Variants in ESRRG observed in about 807,000 individuals in gnomAD.
ESRRG encodes the protein estrogen-related receptor gamma.
In ESRRG, 13 loss-of-function variants were observed where a neutral mutation model predicts 44.0. That is an observed-to-expected ratio of 0.30 (90% CI 0.19 to 0.47). The LOEUF is 0.47. Among genes scored for constraint, ESRRG ranks in the 20% least tolerant of loss-of-function variants. The pLI is 1.00. For synonymous variants in ESRRG, 215 were observed against 214.6 expected, an observed-to-expected ratio of 1.00 and a Z score of -0.02; for missense variants, 395 against 580.6, an observed-to-expected ratio of 0.68 and a Z score of 3.29.
intron 1 of ESRRG, among the ~76,000 whole-genome samples, chr1:216,957,198 T>C (rs1409990195): frequency 6.6e-6 from 1 of 152,156 alleles, no homozygotes; most frequent in African/African-American, 2.4e-5. Flanking sequence ...CCCAGTCCTC[T>C]AAATGTTAAA....
At chr1:216,783,058 T>C (rs17043792) in intron 2 of ESRRG, among the ~76,000 whole-genome samples, 1,937 of 151,760 alleles carry the variant, frequency 0.013, 41 homozygotes, top group African/African-American at 0.045. Flanking sequence ...CAACCTTACA[T>C]TCCCACTCAG....
intron 1 of ESRRG, among the ~76,000 whole-genome samples, chr1:217,021,582 T>G (rs918254881): frequency 6.6e-6 from 1 of 152,182 alleles, no homozygotes; most frequent in Non-Finnish European, 1.5e-5. Context: ...GCTTAATTTA[T>G]CCCATCCACC....
chr1:216,748,245 C>A (rs2091634872), intron 2 of ESRRG, among the ~76,000 whole-genome samples: 1 of 152,128 alleles, frequency 6.6e-6, no homozygotes, highest in African/African-American at 2.4e-5. Flanking sequence ...ATCCATGCTA[C>A]CCAGACGGAA....
chr1:216,857,690 T>C (rs2095973487), intron 2 of ESRRG, among the ~76,000 whole-genome samples: 1 of 146,576 alleles, frequency 6.8e-6, no homozygotes, highest in South Asian at 2.1e-4. Context: ...CTAAGTCTAG[T>C]CCAGAAGCTA....
chr1:217,100,184 G>A (rs1223466224), intron 1 of ESRRG, among the ~76,000 whole-genome samples: 1 of 152,176 alleles, frequency 6.6e-6, no homozygotes, highest in Non-Finnish European at 1.5e-5. Context: ...CTTCATAGAT[G>A]GTTTAGGACT....
intron 5 of ESRRG, among the ~76,000 whole-genome samples, chr1:216,550,696 A>G (rs1331027154): frequency 6.6e-6 from 1 of 152,136 alleles, no homozygotes; most frequent in Non-Finnish European, 1.5e-5. Context: ...GAGAAAAACA[A>G]TGGTTGTAAT....
intron 2 of ESRRG, among the ~76,000 whole-genome samples, chr1:216,922,367 C>T (rs2061951624): frequency 6.6e-6 from 1 of 152,210 alleles, no homozygotes; most frequent in Non-Finnish European, 1.5e-5. Flanking sequence ...GTTTCAGACA[C>T]AACCTTTTTA....
rs767134030 is a variant in ESRRG, at chr1:216,567,961, G to A, written c.700+27C>T. On this transcript the variant is annotated intron_variant, in intron 4 of 6. Coordinates refer to ENST00000408911, the MANE Select transcript of ESRRG (RefSeq NM_001438.4). ...CAACTGGGAGGATTTCGTGTTCTGG[G>A]AAGCCAGACACATCTGCTGTACTTA... The A allele has an allele frequency of 2.0e-6, 3 of 1,475,472 alleles. No homozygotes were observed. In the Admixed American group the frequency reaches 5.0e-5, roughly 25 times the overall value. The allele number at this position is 1,475,472 out of a possible 1,614,324, so 91.4% of individuals were successfully genotyped here. A position where few individuals can be genotyped will look rare whatever the true frequency, so the allele number is the denominator to read the frequency against.
chr1:217,051,223 G>A (rs963339683), intron 1 of ESRRG, among the ~76,000 whole-genome samples: 4 of 134,614 alleles, frequency 3.0e-5, no homozygotes, highest in Non-Finnish European at 4.8e-5. Context: ...GGGGTGCCAG[G>A]GGAATTGTAA....
At chr1:217,130,953 A>G (rs956682484) in intron 1 of ESRRG, among the ~76,000 whole-genome samples, 3 of 152,220 alleles carry the variant, frequency 2.0e-5, no homozygotes, top group African/African-American at 7.2e-5. Flanking sequence ...GGATCAGTAG[A>G]ATATACTATA....
At chr1:216,673,666 A>G (rs548808346) in intron 2 of ESRRG, among the ~76,000 whole-genome samples, 2 of 152,396 alleles carry the variant, frequency 1.3e-5, no homozygotes, top group South Asian at 4.1e-4. Context: ...ATTATTGCTC[A>G]GTAAATAACT....
At position 216,784,434 on chromosome 1, in the gene ESRRG, A is replaced by C. The variant is rs1447263801; in HGVS notation, c.-13-106943T>G. Among the ~76,000 whole-genome samples the C allele has an allele frequency of 2.0e-5, 3 of 152,174 alleles. No individual in the cohort carries two copies. The South Asian group carries it at 6.2e-4, about 32-fold the overall frequency. On this transcript the variant is annotated intron_variant, in intron 2 of 7. Transcript: ENST00000359162. ...TAGTAAAAGAAAGAAATCCTTATAT[A>C]CTTTATTTCTATCAACACAACATAC...
chr1:216,796,880 AATTTATTT>A (rs1477670046), intron 2 of ESRRG, among the ~76,000 whole-genome samples: 1 of 152,022 alleles, frequency 6.6e-6, no homozygotes, highest in Admixed American at 6.6e-5. Context: ...TCCTTTATTT[AATTTATTT>A]ATTTATTTAT....
intron 2 of ESRRG, among the ~76,000 whole-genome samples, chr1:216,785,348 G>T: frequency 6.6e-6 from 1 of 152,108 alleles, no homozygotes; most frequent in East Asian, 1.9e-4. Context: ...AGGAGGGAAA[G>T]CAGCTGAGCA....
intron 1 of ESRRG, among the ~76,000 whole-genome samples, chr1:217,124,699 A>G (rs767797465): frequency 4.4e-4 from 67 of 152,190 alleles, no homozygotes; most frequent in Non-Finnish European, 1.9e-4. Flanking sequence ...AGAAAAAGAA[A>G]GAAAAAAACC....
intron 1 of ESRRG, among the ~76,000 whole-genome samples, chr1:217,054,299 G>T (rs528929857): frequency 1.3e-5 from 2 of 152,128 alleles, no homozygotes; most frequent in Non-Finnish European, 2.9e-5. Flanking sequence ...TACTGGGGGG[G>T]AGCATAAATG....
At chr1:217,128,677 C>T (rs189945335) in intron 1 of ESRRG, among the ~76,000 whole-genome samples, 2 of 152,274 alleles carry the variant, frequency 1.3e-5, no homozygotes, top group Admixed American at 6.5e-5. Context: ...AGGACTTCTT[C>T]GAAGAAAAAG....
At chr1:216,952,362 C>T (rs1411385684) in intron 1 of ESRRG, among the ~76,000 whole-genome samples, 3 of 152,032 alleles carry the variant, frequency 2.0e-5, no homozygotes, top group Non-Finnish European at 4.4e-5. Flanking sequence ...CAAAGGGCAG[C>T]GTGGAAACGG....
intron 1 of ESRRG, among the ~76,000 whole-genome samples, chr1:216,985,561 A>G (rs2074730076): frequency 6.6e-6 from 1 of 152,162 alleles, no homozygotes; most frequent in Admixed American, 6.5e-5. Context: ...TCAGTTAGGA[A>G]GTTGCTTTCC....
Sources: gnomAD v4.1 joint callset for allele counts (sites outside exome capture counted in the v4.1 genomes callset) on GRCh38, gnomAD v4.1.1 for gene constraint, MANE v1.5 for transcripts, NCBI Gene and HGNC (gene_info 2026-07-23, HGNC 2026-07-21) for gene names.